Variants in PVT1 observed in about 807,000 individuals in gnomAD.
PVT1 encodes the protein Pvt1 oncogene.
chr8:127,872,571 C>G (rs1815362893), intron 2 of PVT1, among the ~76,000 whole-genome samples: 1 of 152,116 alleles, frequency 6.6e-6, no homozygotes, highest in Non-Finnish European at 1.5e-5. Context: ...ATATATATGC[C>G]TGTGTACCCA....
chr8:127,987,466 G>C (rs1418554561), intron 3 of PVT1, among the ~76,000 whole-genome samples: 1 of 152,190 alleles, frequency 6.6e-6, no homozygotes, highest in Non-Finnish European at 1.5e-5. Context: ...AGAAAGAGGG[G>C]AGGCCTTTTC....
intron 4 of PVT1, among the ~76,000 whole-genome samples, chr8:128,044,042 G>A (rs898107989): frequency 3.4e-5 from 5 of 146,284 alleles, no homozygotes; most frequent in Non-Finnish European, 7.5e-5. Context: ...TAGAGAAGGG[G>A]TCTCACTATG....
At chr8:127,852,830 A>T (rs1261479964) in intron 2 of PVT1, among the ~76,000 whole-genome samples, 8 of 152,180 alleles carry the variant, frequency 5.3e-5, no homozygotes, top group Non-Finnish European at 1.2e-4. Flanking sequence ...TGTTCTGATG[A>T]TCTGGCTTAG....
Position 127,900,188 on chromosome 8 carries a change from C to T in PVT1, n.782+9190C>T, listed in dbSNP as rs372805921. ...TCCTGAGTAGCTGGGACTGCAGGCG[C>T]GTACCACCACACCTGGCTAATTTTT... On this transcript the variant is annotated intron_variant and non_coding_transcript_variant, in intron 3 of 10. Coordinates refer to ENST00000651587, the Ensembl canonical transcript of PVT1. Among the ~76,000 whole-genome samples, 59 of 152,090 alleles carry T rather than the reference C, an allele frequency of 3.9e-4. 1 individual carries two copies. The highest frequency in any genetic ancestry group is 7.7e-4 in the East Asian group (4 of 5,168).
At chr8:128,059,907 A>C (rs1813809472) in intron 4 of PVT1, among the ~76,000 whole-genome samples, 1 of 152,194 alleles carries the variant, frequency 6.6e-6, no homozygotes, top group African/African-American at 2.4e-5. Flanking sequence ...TGGTCTTTGC[A>C]GGTGAGGGAT....
intron 2 of PVT1, among the ~76,000 whole-genome samples, chr8:127,883,644 AT>A (rs1390139335): frequency 6.6e-6 from 1 of 152,020 alleles, no homozygotes; most frequent in African/African-American, 2.4e-5. Flanking sequence ...AATTAAAAAA[AT>A]AAAATAAAAA....
intron 2 of PVT1, among the ~76,000 whole-genome samples, chr8:127,845,852 A>AC (rs1203552779): frequency 6.6e-6 from 1 of 152,184 alleles, no homozygotes; most frequent in Non-Finnish European, 1.5e-5. Context: ...TCCAAGGTGG[A>AC]CATCTCTCTG....
At chr8:127,879,824 C>G (rs1473219684) in intron 2 of PVT1, among the ~76,000 whole-genome samples, 1 of 152,238 alleles carries the variant, frequency 6.6e-6, no homozygotes, top group Non-Finnish European at 1.5e-5. Context: ...CCAGCACCCA[C>G]CAGTTTAAGG....
chr8:127,845,191 G>A lies in PVT1; in HGVS notation n.373-45398G>A, dbSNP rs145264208. ...GAAATAAGGTGTGTGTTGTGACGAG[G>A]GATGGCACTGGGGGCCTGCCTAAAG... On this transcript the variant is annotated intron_variant and non_coding_transcript_variant, in intron 2 of 10. Coordinates refer to ENST00000651587, the Ensembl canonical transcript of PVT1. Among the ~76,000 whole-genome samples, 15 of 151,226 alleles carry A rather than the reference G, an allele frequency of 9.9e-5. No homozygotes were observed. In the East Asian group the frequency reaches 2.7e-3, roughly 27 times the overall value.
intron 2 of PVT1, chr8:127,851,981 C>T (rs1305265741): frequency 6.6e-6 from 1 of 152,244 alleles, no homozygotes; most frequent in Non-Finnish European, 1.5e-5. Context: ...CTCTAGATCT[C>T]CAAGGGCTGC....
chr8:128,003,473 G>A (rs1444746690), intron 4 of PVT1, among the ~76,000 whole-genome samples: 2 of 151,934 alleles, frequency 1.3e-5, no homozygotes, highest in Non-Finnish European at 1.5e-5. Context: ...AGCCTCCCAA[G>A]TACCTGGGAC....
At chr8:127,996,639 A>G (rs1038076722) in intron 4 of PVT1, 5 of 152,128 alleles carry the variant, frequency 3.3e-5, no homozygotes, top group Admixed American at 6.5e-5. Context: ...AAAGTTTCAT[A>G]AAGACAGAAT....
chr8:127,827,935 G>A (rs1814809501), intron 2 of PVT1, among the ~76,000 whole-genome samples: 1 of 152,126 alleles, frequency 6.6e-6, no homozygotes, highest in Non-Finnish European at 1.5e-5. Context: ...AGGGCCAAGT[G>A]CCTGCTCTTT....
chr8:127,846,348 G>T (rs1250324050), intron 2 of PVT1, among the ~76,000 whole-genome samples: 1 of 152,218 alleles, frequency 6.6e-6, no homozygotes, highest in East Asian at 1.9e-4. Context: ...CCTGTGTGGG[G>T]CACCTTTCCT....
chr8:128,054,300 G>A (rs529491222), intron 4 of PVT1, among the ~76,000 whole-genome samples: 1 of 135,664 alleles, frequency 7.4e-6, no homozygotes, highest in East Asian at 2.2e-4. Flanking sequence ...TGGCAAAATG[G>A]GATTTGTTAG....
chr8:127,850,615 A>G (rs1310389417), intron 2 of PVT1, among the ~76,000 whole-genome samples: 2 of 152,236 alleles, frequency 1.3e-5, no homozygotes, highest in Non-Finnish European at 2.9e-5. Context: ...GTGTCTGCAC[A>G]TGGGATTAAA....
intron 3 of PVT1, among the ~76,000 whole-genome samples, chr8:127,972,375 T>C (rs1370985787): frequency 6.6e-6 from 1 of 152,160 alleles, no homozygotes; most frequent in East Asian, 1.9e-4. Context: ...GGGTGTTCGA[T>C]GGTTTCAATT....
intron 3 of PVT1, among the ~76,000 whole-genome samples, chr8:127,916,858 G>A (rs1413429799): frequency 1.3e-5 from 2 of 152,184 alleles, no homozygotes; most frequent in Non-Finnish European, 2.9e-5. Context: ...TTTCTGGGTT[G>A]CATGTTAGAG....
chr8:128,005,568 C>G (rs895327012), intron 4 of PVT1, among the ~76,000 whole-genome samples: 1 of 152,162 alleles, frequency 6.6e-6, no homozygotes, highest in African/African-American at 2.4e-5. Context: ...TCCTGGAGCC[C>G]TGACTTAGTT....
Sources: allele counts gnomAD v4.1 joint callset (sites outside exome capture counted in the v4.1 genomes callset), GRCh38; gene constraint gnomAD v4.1.1; transcripts MANE v1.5; gene names NCBI Gene and HGNC (gene_info 2026-07-23, HGNC 2026-07-21).